The following CLSTN2 variants were observed in gnomAD, a reference collection of about 807,000 sequenced individuals.
CLSTN2 encodes calsyntenin 2.
In CLSTN2, 48 loss-of-function variants were observed where a neutral mutation model predicts 101.2. That is an observed-to-expected ratio of 0.47 (90% CI 0.38 to 0.60). The LOEUF (loss-of-function observed/expected upper bound fraction) is 0.60. Ranked by LOEUF, CLSTN2 falls within the 20% of genes least tolerant of loss-of-function variation. The pLI is 0.00. For synonymous variants in CLSTN2, 481 were observed against 463.6 expected, an observed-to-expected ratio of 1.04 and a Z score of -0.48; for missense variants, 1,160 against 1,238.2, an observed-to-expected ratio of 0.94 and a Z score of 0.95.
chr3:140,263,168 A>T (rs1244931906), intron 2 of CLSTN2, among the ~76,000 whole-genome samples: 1 of 152,084 alleles, frequency 6.6e-6, no homozygotes, highest in Non-Finnish European at 1.5e-5. Flanking sequence ...AGAAGGGGTT[A>T]TTCAGAGAAG....
chr3:140,128,530 T>C (rs762433695), intron 1 of CLSTN2, among the ~76,000 whole-genome samples: 2 of 152,046 alleles, frequency 1.3e-5, no homozygotes, highest in African/African-American at 2.4e-5. Flanking sequence ...CTAGACATAG[T>C]GGAATGAAGT....
At chr3:140,564,343 T>C (rs1935990267) in intron 16 of CLSTN2, among the ~76,000 whole-genome samples, 198 bp downstream of exon 16, 1 of 152,154 alleles carries the variant, frequency 6.6e-6, no homozygotes, top group Admixed American at 6.5e-5. Context: ...TCCCACCAAC[T>C]ACATTCTCTG....
At chr3:140,004,833 T>C (rs1489058292) in intron 1 of CLSTN2, among the ~76,000 whole-genome samples, 1 of 152,190 alleles carries the variant, frequency 6.6e-6, no homozygotes, top group African/African-American at 2.4e-5. Context: ...TGGTATTTTA[T>C]ACCTTGTTAA....
At chr3:140,107,703 TC>T (rs1203112221) in intron 1 of CLSTN2, among the ~76,000 whole-genome samples, 1 of 152,142 alleles carries the variant, frequency 6.6e-6, no homozygotes, top group Non-Finnish European at 1.5e-5. Context: ...AGAATTTGGT[TC>T]CTCACCTCTC....
At chr3:140,208,728 C>T (rs2010816381) in intron 2 of CLSTN2, among the ~76,000 whole-genome samples, 1 of 152,102 alleles carries the variant, frequency 6.6e-6, no homozygotes, top group Admixed American at 6.6e-5. Flanking sequence ...TTTTATTTTA[C>T]TCATCTTTTT....
intron 1 of CLSTN2, among the ~76,000 whole-genome samples, chr3:140,141,392 G>A (rs2009695176): frequency 6.6e-6 from 1 of 152,170 alleles, no homozygotes; most frequent in African/African-American, 2.4e-5. Context: ...GGACCATGCT[G>A]GCACTACTCG....
rs1027789024 is a variant in CLSTN2, at chr3:140,571,375, C to T, written c.*5122C>T. 1 of 152,030 alleles carries T rather than the reference C, an allele frequency of 6.6e-6. No homozygotes were observed. The highest frequency in any genetic ancestry group is 2.4e-5 in the African/African-American group (1 of 41,374). 9.4% of individuals were successfully genotyped at this position (152,030 alleles called of 1,614,324 possible). On this transcript the variant is annotated 3_prime_UTR_variant, in exon 17 of 17. Transcript: ENST00000458420. ...AAGACAACTTTTTTTTTAATCATCC[C>T]CACATTTAAATTAACCAAATAGTTT...
intron 5 of CLSTN2, among the ~76,000 whole-genome samples, chr3:140,429,286 C>G (rs1436964387): frequency 6.6e-6 from 1 of 151,960 alleles, no homozygotes; most frequent in Admixed American, 6.6e-5. Flanking sequence ...TACCAGAACT[C>G]CGATTATAGA....
intron 1 of CLSTN2, among the ~76,000 whole-genome samples, chr3:140,149,310 A>G (rs1272150086): frequency 6.6e-6 from 1 of 152,196 alleles, no homozygotes; most frequent in Non-Finnish European, 1.5e-5. Context: ...AGGTAAATGG[A>G]TGTCAGATAA....
At chr3:140,333,682 CTGTGTGTGTGTG>C (rs10545391) in intron 2 of CLSTN2, among the ~76,000 whole-genome samples, 3 of 147,560 alleles carry the variant, frequency 2.0e-5, no homozygotes, top group Admixed American at 6.8e-5. Context: ...AGAGTGGAGA[CTGTGTGTGTGTG>C]TGTGTGTGTG....
intron 8 of CLSTN2, among the ~76,000 whole-genome samples, chr3:140,518,339 G>T (rs927575126): frequency 6.6e-6 from 1 of 152,178 alleles, no homozygotes; most frequent in Non-Finnish European, 1.5e-5. Context: ...TTGCATTCAG[G>T]TGAAATTGTT....
intron 1 of CLSTN2, among the ~76,000 whole-genome samples, chr3:140,013,231 G>T (rs1457035528): frequency 6.6e-6 from 1 of 152,244 alleles, no homozygotes; most frequent in Admixed American, 6.5e-5. Context: ...CCAGAAACAT[G>T]CCAGAGAGCC....
chr3:140,369,560 GT>G (rs1471329941), intron 2 of CLSTN2, among the ~76,000 whole-genome samples: 2 of 139,446 alleles, frequency 1.4e-5, no homozygotes, highest in African/African-American at 5.4e-5. Context: ...CAGTTGAGAT[GT>G]CTGATAATAA....
rs534423972 is a variant in CLSTN2 at position 140,575,251 on chromosome 3, T to A, written c.*8998T>A. On this transcript the variant is annotated 3_prime_UTR_variant, in exon 17 of 17. Coordinates refer to ENST00000458420, the MANE Select transcript of CLSTN2 (RefSeq NM_022131.3). ...ACTCAAAAAGTAAGATAGGAGATATTGAGGGAAAATGTGACTCATAGTTGG... is the reference window on the plus strand; with the variant it reads ...ACTCAAAAAGTAAGATAGGAGATATAGAGGGAAAATGTGACTCATAGTTGG... 31 of 152,258 alleles carry A rather than the reference T, an allele frequency of 2.0e-4. No individual in the cohort carries two copies. Among genetic ancestry groups the A allele is most frequent in the African/African-American group, 7.0e-4 (29 of 41,554 alleles). 9.4% of individuals were successfully genotyped at this position (152,258 alleles called of 1,614,324 possible). A position where few individuals can be genotyped will look rare whatever the true frequency, so the allele number is the denominator to read the frequency against.
At chr3:140,388,006 G>T (rs1213842754) in intron 2 of CLSTN2, among the ~76,000 whole-genome samples, 2 of 152,218 alleles carry the variant, frequency 1.3e-5, no homozygotes, top group African/African-American at 4.8e-5. Flanking sequence ...ATTTGGTGGT[G>T]TCTACTCTTT....
chr3:140,070,191 A>G (rs894394059), intron 1 of CLSTN2, among the ~76,000 whole-genome samples: 2 of 152,356 alleles, frequency 1.3e-5, no homozygotes, highest in East Asian at 3.9e-4. Flanking sequence ...GCCTTTACCT[A>G]TCTTAAGTCA....
At chr3:139,968,368 CT>C (rs1576380092) in intron 1 of CLSTN2, among the ~76,000 whole-genome samples, 1 of 152,186 alleles carries the variant, frequency 6.6e-6, no homozygotes, top group African/African-American at 2.4e-5. Context: ...TTGAAGACCC[CT>C]GTCATAAACA....
At chr3:140,232,688 C>G (rs1022608417) in intron 2 of CLSTN2, among the ~76,000 whole-genome samples, 4 of 152,152 alleles carry the variant, frequency 2.6e-5, no homozygotes, top group African/African-American at 9.7e-5. Flanking sequence ...ATTACTTGTC[C>G]TCCAAACATT....
intron 1 of CLSTN2, among the ~76,000 whole-genome samples, chr3:140,105,614 C>T (rs888214835): frequency 6.6e-6 from 1 of 152,328 alleles, no homozygotes; most frequent in East Asian, 1.9e-4. Flanking sequence ...CTATGCAAGG[C>T]TCCTTCCATG....
Sources: gnomAD v4.1 joint callset for allele counts (sites outside exome capture counted in the v4.1 genomes callset) on GRCh38, gnomAD v4.1.1 for gene constraint, MANE v1.5 for transcripts, NCBI Gene and HGNC (gene_info 2026-07-23, HGNC 2026-07-21) for gene names.